MIOS: variants seen among roughly 807,000 people sequenced by gnomAD.
MIOS encodes GATOR2 complex protein MIOS.
A neutral mutation model predicts 96.9 loss-of-function variants in MIOS; 52 were observed. That is an observed-to-expected ratio of 0.54 (90% CI 0.43 to 0.68). MIOS has a LOEUF of 0.68. Ranked by LOEUF, MIOS falls within the 30% of genes least tolerant of loss-of-function variation. The pLI is 0.00. For synonymous variants in MIOS, 397 were observed against 359.5 expected, an observed-to-expected ratio of 1.10 and a Z score of -1.18; for missense variants, 1,005 against 1,052.8, an observed-to-expected ratio of 0.95 and a Z score of 0.63.
intron 5 of MIOS, among the ~76,000 whole-genome samples, chr7:7,580,107 T>G (rs1486158290): frequency 6.6e-6 from 1 of 152,222 alleles, no homozygotes; most frequent in Non-Finnish European, 1.5e-5. Context: ...AGGAGAGATA[T>G]GAAAATACAC....
At position 7,608,506 on chromosome 7, in the gene MIOS, C is replaced by T. The variant is rs970888202; in HGVS notation, c.*1414C>T. On this transcript the variant is annotated 3_prime_UTR_variant, in exon 13 of 13. Transcript: ENST00000340080. ...AAACATTGGAAGTAGTACATATTTA[C>T]TCTAAATGTCTCACCTGCATGACAG... is the stretch of plus-strand genomic sequence containing the variant. 3 of 152,008 alleles carry T rather than the reference C, an allele frequency of 2.0e-5. No individual in the cohort carries two copies. Among genetic ancestry groups the T allele is most frequent in the African/African-American group, 7.2e-5 (3 of 41,416 alleles). The allele number at this position is 152,008 out of a possible 1,614,324, so 9.4% of individuals were successfully genotyped here.
intron 9 of MIOS, among the ~76,000 whole-genome samples, chr7:7,590,806 T>G (rs1016731450): frequency 4.5e-4 from 68 of 152,308 alleles, no homozygotes; most frequent in African/African-American, 1.3e-3. Context: ...CCCCTCATAC[T>G]TCACATTTCT....
At chr7:7,600,344 C>T (rs1195385195) in intron 11 of MIOS, among the ~76,000 whole-genome samples, 2 of 151,918 alleles carry the variant, frequency 1.3e-5, no homozygotes, top group African/African-American at 4.8e-5. Context: ...TGCAGAGACA[C>T]ACATAGGCTC....
chr7:7,601,626 C>G (rs906970533), intron 11 of MIOS, among the ~76,000 whole-genome samples: 1 of 152,092 alleles, frequency 6.6e-6, no homozygotes, highest in Non-Finnish European at 1.5e-5. Flanking sequence ...GATTCACAGC[C>G]GAACTCTACC....
intron 7 of MIOS, among the ~76,000 whole-genome samples, chr7:7,586,244 C>T (rs1783884383): frequency 6.6e-6 from 1 of 151,642 alleles, no homozygotes; most frequent in Non-Finnish European, 1.5e-5. Context: ...GTGGAGGTGG[C>T]CATACATCTT....
chr7:7,576,055 A>G (rs945293078), intron 5 of MIOS, among the ~76,000 whole-genome samples: 7 of 152,206 alleles, frequency 4.6e-5, no homozygotes, highest in Admixed American at 4.6e-4. Context: ...ACATTGAGCC[A>G]TCTTGTCCAC....
chr7:7,595,106 G>A lies in MIOS; in HGVS notation c.2170G>A (p.Asp724Asn). 1 of 1,613,574 alleles carries A rather than the reference G, an allele frequency of 6.2e-7. No individual in the cohort carries two copies. Among genetic ancestry groups the A allele is most frequent in the Non-Finnish European group, 8.5e-7 (1 of 1,179,848 alleles). ...ATTTGATATTCACAGGAGTAAGTTGGATCCCAGTTCCAAGCCTTTAGCACA... is the reference window on the plus strand; with the variant it reads ...ATTTGATATTCACAGGAGTAAGTTGAATCCCAGTTCCAAGCCTTTAGCACA... ...AEFDIHRSKL[D>N]PSSKPLAQVF... is the part of the protein sequence containing the mutation. Residue 724 changes from aspartate to asparagine, a missense_variant, in exon 10 of 13, where the codon GAT (aspartate) becomes AAT (asparagine). Asp to Asn is a conservative substitution (Grantham distance 23). Around this residue, in one of 3 missense-constraint regions of MIOS, gnomAD observed 865 missense variants for 887.9 expected, o/e 0.97. Transcript: ENST00000340080.
intron 11 of MIOS, among the ~76,000 whole-genome samples, chr7:7,597,250 C>T (rs938237033): frequency 1.1e-4 from 16 of 150,942 alleles, no homozygotes; most frequent in Non-Finnish European, 5.9e-5. Flanking sequence ...TGCTTGAACC[C>T]GGGAGGCAGA....
intron 5 of MIOS, among the ~76,000 whole-genome samples, chr7:7,578,448 C>T (rs1471494553): frequency 6.6e-6 from 1 of 151,948 alleles, no homozygotes; most frequent in Non-Finnish European, 1.5e-5. Flanking sequence ...TCGCTTGGGC[C>T]CGGGAGTTTG....
Position 7,603,836 on chromosome 7 carries a change from G to T in MIOS, c.2402-2106G>T, listed in dbSNP as rs186184170. Among the ~76,000 whole-genome samples, 54 of 152,030 alleles carry T rather than the reference G, an allele frequency of 3.6e-4. 1 individual carries two copies. In the South Asian group the frequency reaches 0.01, roughly 29 times the overall value. On this transcript the variant is annotated intron_variant, in intron 11 of 12. Transcript: ENST00000340080. Reference sequence around the variant, plus strand: ...CCAGATATCCAACAATGATAGACTGGATTAAGAAAATGTGGCACATATACA... The same window carrying T: ...CCAGATATCCAACAATGATAGACTGTATTAAGAAAATGTGGCACATATACA...
chr7:7,570,660 TC>T (rs1237322952), intron 3 of MIOS, among the ~76,000 whole-genome samples: 1 of 151,840 alleles, frequency 6.6e-6, no homozygotes, highest in Non-Finnish European at 1.5e-5. Context: ...CAGTGACAGA[TC>T]ATCAGGCATT....
chr7:7,596,613 AT>A lies in MIOS; in HGVS notation c.2401+153del, dbSNP rs1170842253. The A allele has an allele frequency of 1.7e-5, 12 of 725,280 alleles. No individual in the cohort carries two copies. In the African/African-American group the frequency reaches 2.0e-4, roughly 12 times the overall value. The allele number at this position is 725,280 out of a possible 1,614,324, so 44.9% of individuals were successfully genotyped here. On this transcript the variant is annotated intron_variant, in intron 11 of 12. Coordinates refer to ENST00000340080, the MANE Select transcript of MIOS (RefSeq NM_019005.4). ...GAAGGCTTTTATGTTCCTATAATTTATGAACTATGAAAACTAAAAGCAAAAT... is the reference window on the plus strand; with the variant it reads ...GAAGGCTTTTATGTTCCTATAATTTAGAACTATGAAAACTAAAAGCAAAAT...
chr7:7,580,950 G>A (rs1783700186), intron 5 of MIOS, among the ~76,000 whole-genome samples: 3 of 149,678 alleles, frequency 2.0e-5, no homozygotes, highest in Non-Finnish European at 4.4e-5. Flanking sequence ...TCCTCCCAAA[G>A]TGCTGGGATT....
At chr7:7,601,515 A>T (rs1784377881) in intron 11 of MIOS, among the ~76,000 whole-genome samples, 1 of 152,174 alleles carries the variant, frequency 6.6e-6, no homozygotes, top group African/African-American at 2.4e-5. Flanking sequence ...TCCCAAGACT[A>T]AACCAGGAAG....
Position 7,573,546 on chromosome 7 carries a change from T to C in MIOS, c.1071T>C (p.Ser357=). The part of the protein sequence containing the change: ...MSDFTVFERI[S]LAWSPITSLM... ...ACTTCACTGTTTTTGAAAGGATATC[T>C]CTTGCCTGGAGCCCAATTACATCTT... Residue 357 remains serine, a synonymous_variant, in exon 4 of 13, where the codon TCT becomes TCC. Transcript: ENST00000340080. This position sits in a 1 kb window ranked among gnomAD's most constrained non-coding sequence, Gnocchi z 5.0. The C allele has an allele frequency of 6.2e-7, 1 of 1,614,112 alleles. No homozygotes were observed. The highest frequency in any genetic ancestry group is 8.5e-7 in the Non-Finnish European group (1 of 1,179,942).
intron 11 of MIOS, among the ~76,000 whole-genome samples, chr7:7,603,059 A>G (rs1285979950): frequency 1.3e-5 from 2 of 152,150 alleles, no homozygotes; most frequent in Non-Finnish European, 2.9e-5. Context: ...CACCTTATAC[A>G]AAAATTAATT....
intron 9 of MIOS, 27 bp downstream of exon 9, chr7:7,589,590 A>T (rs754501334): frequency 1.2e-5 from 19 of 1,571,522 alleles, no homozygotes; most frequent in African/African-American, 5.5e-5. Context: ...AGCAGCTTTT[A>T]AAAAAGTAAC....
rs530461228 is a variant in MIOS, at chr7:7,594,172, A to G, written c.2044-808A>G. On this transcript the variant is annotated intron_variant, in intron 9 of 12. Coordinates refer to ENST00000340080, the MANE Select transcript of MIOS (RefSeq NM_019005.4). ...AATGTATGTTTTAATTGAAGGCAAGAGTAAGAATAGACAGGTTTAACTTAC... is the reference window on the plus strand; with the variant it reads ...AATGTATGTTTTAATTGAAGGCAAGGGTAAGAATAGACAGGTTTAACTTAC... Among the ~76,000 whole-genome samples the G allele has an allele frequency of 6.6e-5, 10 of 152,344 alleles. No homozygotes were observed. The South Asian group carries it at 2.1e-3, about 32-fold the overall frequency.
At chr7:7,579,881 A>G (rs1327875457) in intron 5 of MIOS, among the ~76,000 whole-genome samples, 1 of 152,216 alleles carries the variant, frequency 6.6e-6, no homozygotes, top group African/African-American at 2.4e-5. Flanking sequence ...GTAATGACAC[A>G]TTTCTCAGAA....
Sources: gnomAD v4.1 joint callset for allele counts (sites outside exome capture counted in the v4.1 genomes callset) on GRCh38, gnomAD v4.1.1 for gene constraint, gnomAD v4.1.1 regional missense constraint, Gnocchi (gnomAD v3.1) non-coding constraint, MANE v1.5 for transcripts, NCBI Gene and HGNC (gene_info 2026-07-23, HGNC 2026-07-21) for gene names.